DOCK1: variants seen among roughly 807,000 people sequenced by gnomAD.
DOCK1 encodes dedicator of cytokinesis 1.
In DOCK1, 138 loss-of-function variants were observed where a neutral mutation model predicts 262.7. That is an observed-to-expected ratio of 0.53 (90% CI 0.46 to 0.61). DOCK1 has a LOEUF of 0.61. Ranked by LOEUF, DOCK1 falls within the 20% of genes least tolerant of loss-of-function variation. The probability of loss-of-function intolerance (pLI) is 0.00; values close to 1 mark genes in which losing one functional copy is unlikely to be tolerated. For missense variants in DOCK1, 1,908 were observed against 2,370.7 expected, an observed-to-expected ratio of 0.80 and a Z score of 4.05; for synonymous variants, 866 against 867.4, an observed-to-expected ratio of 1.00 and a Z score of 0.03.
chr10:126,931,655 C>G (rs2034196140), intron 1 of DOCK1, among the ~76,000 whole-genome samples: 1 of 152,190 alleles, frequency 6.6e-6, no homozygotes. Context: ...TCCAGCTCCA[C>G]ATTCCCATGT....
rs571800341 is a variant in DOCK1, at chr10:127,129,853, T to TG, written c.2847+2091dup. On this transcript the variant is annotated intron_variant, in intron 27 of 51. Transcript: ENST00000623213. Reference sequence around the variant, plus strand: ...GGGAGAGGGTAGAAGTGGAGGCAGGTGGTCTCATGAGACTGTTTTGTCTCT... The same window carrying TG: ...GGGAGAGGGTAGAAGTGGAGGCAGGTGGGTCTCATGAGACTGTTTTGTCTCT... Among the ~76,000 whole-genome samples, 186 of 152,110 alleles carry TG rather than the reference T, an allele frequency of 1.2e-3. 2 individuals carry two copies. The South Asian group carries it at 0.018, about 15-fold the overall frequency.
At chr10:127,031,328 T>G (rs1299496921) in intron 16 of DOCK1, among the ~76,000 whole-genome samples, 5 of 152,196 alleles carry the variant, frequency 3.3e-5, no homozygotes, top group Non-Finnish European at 5.9e-5. Flanking sequence ...TTCCTCTGCC[T>G]TCTTCAAGAC....
At chr10:127,333,659 G>A (rs914474932) in intron 29 of DOCK1, among the ~76,000 whole-genome samples, 1 of 152,172 alleles carries the variant, frequency 6.6e-6, no homozygotes, top group African/African-American at 2.4e-5. Context: ...AAGGCTGGCG[G>A]GACCTCCTCC....
chr10:127,384,543 G>A (rs1156330688), intron 37 of DOCK1, among the ~76,000 whole-genome samples: 1 of 152,322 alleles, frequency 6.6e-6, no homozygotes, highest in South Asian at 2.1e-4. Flanking sequence ...CCAGTTCCGT[G>A]CTTTGCAGAA....
At chr10:127,079,310 T>A (rs551645640) in intron 23 of DOCK1, among the ~76,000 whole-genome samples, 2 of 152,340 alleles carry the variant, frequency 1.3e-5, no homozygotes, top group East Asian at 3.9e-4. Context: ...CCACAGTATT[T>A]TCTTGTTTCC....
chr10:127,343,870 G>A, intron 31 of DOCK1, 124 bp downstream of exon 31: 1 of 803,478 alleles, frequency 1.2e-6, no homozygotes. Flanking sequence ...ATGAAAGGGT[G>A]GTTTTAAATC....
At chr10:127,412,572 G>A (rs1473587745) in intron 43 of DOCK1, among the ~76,000 whole-genome samples, 2 of 152,190 alleles carry the variant, frequency 1.3e-5, no homozygotes, top group African/African-American at 2.4e-5. Context: ...CTTGTGTGCC[G>A]TCCGAAGGCA....
At position 127,127,840 on chromosome 10, in the gene DOCK1, A is replaced by G. The variant is rs568617209; in HGVS notation, c.2847+76A>G. ...CCTTCTCCAACTGCTGTTTGAACAT[A>G]GCTTATTATACTGCAATGTAGTGAG... On this transcript the variant is annotated intron_variant, in intron 27 of 51. Coordinates refer to ENST00000623213, the MANE Select transcript of DOCK1 (RefSeq NM_001290223.2). 43 of 1,285,724 alleles carry G rather than the reference A, an allele frequency of 3.3e-5. 1 individual carries two copies. In the South Asian group the frequency reaches 5.4e-4, roughly 16 times the overall value. 79.6% of individuals were successfully genotyped at this position (1,285,724 alleles called of 1,614,324 possible). A position where few individuals can be genotyped will look rare whatever the true frequency, so the allele number is the denominator to read the frequency against.
At chr10:127,296,330 G>A (rs914486360) in intron 29 of DOCK1, among the ~76,000 whole-genome samples, 4 of 152,318 alleles carry the variant, frequency 2.6e-5, no homozygotes, top group Non-Finnish European at 4.4e-5. Context: ...CCATCCTCAC[G>A]TAGTGGAGCT....
In DOCK1 at chr10:127,004,239, CAAA is replaced by C. The variant is rs566053855; in HGVS notation, c.985+3941_985+3943del. Among the ~76,000 whole-genome samples, 3 of 117,414 alleles carry C rather than the reference CAAA, an allele frequency of 2.6e-5. No individual in the cohort carries two copies. The South Asian group carries it at 7.9e-4, about 31-fold the overall frequency. 77.0% of individuals were successfully genotyped at this position (117,414 alleles called of 152,430 possible). On this transcript the variant is annotated intron_variant, in intron 10 of 51. Coordinates refer to ENST00000623213, the MANE Select transcript of DOCK1 (RefSeq NM_001290223.2). ...AGAGTGATGGGGCGAGACTCCATCT[CAAA>C]AAAAAAAAGAAAAGAAAACAAAACA...
At chr10:127,040,160 A>G (rs765678868) in intron 19 of DOCK1, among the ~76,000 whole-genome samples, 3 of 152,184 alleles carry the variant, frequency 2.0e-5, no homozygotes, top group South Asian at 2.1e-4. Context: ...GCAGGGAAAT[A>G]TTCGGCTGTT....
In DOCK1 at chr10:126,906,307, AG is replaced by A. The variant is rs377439645; in HGVS notation, c.46+747del. ...TCGGACCCGAGTGCGCATTCCTGAG[AG>A]GGAGGCTTTCCCTTGCGGCTGAATA... On this transcript the variant is annotated intron_variant, in intron 1 of 51. Coordinates refer to ENST00000623213, the MANE Select transcript of DOCK1 (RefSeq NM_001290223.2). Among the ~76,000 whole-genome samples, 45 of 152,188 alleles carry A rather than the reference AG, an allele frequency of 3.0e-4. No homozygotes were observed. The East Asian group carries it at 7.0e-3, about 24-fold the overall frequency.
chr10:127,005,970 T>G (rs547720388), intron 10 of DOCK1, among the ~76,000 whole-genome samples: 30 of 152,376 alleles, frequency 2.0e-4, no homozygotes, highest in Admixed American at 1.5e-3. Context: ...TTATTAAGCA[T>G]TATTCAAAAA....
At chr10:127,168,351 A>G (rs1349375059) in intron 27 of DOCK1, among the ~76,000 whole-genome samples, 1 of 152,260 alleles carries the variant, frequency 6.6e-6, no homozygotes, top group African/African-American at 2.4e-5. Context: ...TTTCCATGCC[A>G]TTCAAATAGG....
At chr10:127,422,489 T>C (rs2068579396) in intron 46 of DOCK1, among the ~76,000 whole-genome samples, 1 of 152,174 alleles carries the variant, frequency 6.6e-6, no homozygotes, top group Admixed American at 6.5e-5. Flanking sequence ...GTAATAGCCA[T>C]TTTAATGAGT....
intron 29 of DOCK1, among the ~76,000 whole-genome samples, chr10:127,296,481 A>G (rs1294435820): frequency 6.6e-6 from 1 of 152,162 alleles, no homozygotes; most frequent in Non-Finnish European, 1.5e-5. Flanking sequence ...CTCTTTTTAC[A>G]TGGCTGCCAT....
chr10:127,059,325 T>A (rs550655559), intron 22 of DOCK1, among the ~76,000 whole-genome samples: 2 of 152,186 alleles, frequency 1.3e-5, no homozygotes, highest in African/African-American at 2.4e-5. Flanking sequence ...ATTTCTGAAT[T>A]TTTTGATTGA....
At chr10:127,386,118 TCGACAGA>T (rs2066103184) in intron 38 of DOCK1, among the ~76,000 whole-genome samples, 2 of 152,170 alleles carry the variant, frequency 1.3e-5, no homozygotes. Context: ...AAACAATGAC[TCGACAGA>T]GTCCCCGTGG....
At chr10:126,948,510 G>A (rs1488017817) in intron 1 of DOCK1, among the ~76,000 whole-genome samples, 2 of 151,988 alleles carry the variant, frequency 1.3e-5, no homozygotes, top group African/African-American at 4.8e-5. Context: ...ATACTGTCCA[G>A]CCGGGCCTTT....
Sources: allele counts gnomAD v4.1 joint callset (sites outside exome capture counted in the v4.1 genomes callset), GRCh38; gene constraint gnomAD v4.1.1; transcripts MANE v1.5; gene names NCBI Gene and HGNC (gene_info 2026-07-23, HGNC 2026-07-21).